The following ERAP1 variants were observed in gnomAD, a reference collection of about 807,000 sequenced individuals.
ERAP1 encodes endoplasmic reticulum aminopeptidase 1.
ERAP1 carries 86 observed loss-of-function variants against 103.7 expected under a neutral mutation model. That is an observed-to-expected ratio of 0.83 (90% CI 0.70 to 0.99). The LOEUF (loss-of-function observed/expected upper bound fraction) is 0.99. Among genes scored for constraint, ERAP1 ranks in the 50% least tolerant of loss-of-function variants. The probability of loss-of-function intolerance (pLI) is 0.00; values close to 1 mark genes in which losing one functional copy is unlikely to be tolerated. For missense variants in ERAP1, 1,009 were observed against 1,128.4 expected (o/e 0.89, Z 1.52); for synonymous variants, 398 against 402.4 (o/e 0.99, Z 0.13).
intron 3 of ERAP1, among the ~76,000 whole-genome samples, chr5:96,797,858 G>A (rs1212024187): frequency 6.6e-6 from 1 of 152,168 alleles, no homozygotes; most frequent in African/African-American, 2.4e-5. Flanking sequence ...ACACGGATGA[G>A]ACAAAGCAAA....
At chr5:96,900,262 G>A in the ERAP1 span, 9 of 1,579,682 alleles carry the variant, frequency 5.7e-6, no homozygotes, top group South Asian at 1.0e-4. Flanking sequence ...ATGACATACA[G>A]AGTAGCCCAC....
rs1446330517 is a variant in ERAP1 at position 96,803,635 on chromosome 5, G to A, written c.292C>T (p.His98Tyr). ...QPTSTIILHSHHLQISRATLR... is the reference protein window; with the variant it reads ...QPTSTIILHSYHLQISRATLR... ...GTGGCCCTAGATATCTGCAGGTGGT[G>A]ACTATGCAGGATGATGGTGCTGGTG... is the stretch of plus-strand genomic sequence containing the variant. Residue 98 changes from histidine to tyrosine, a missense_variant, in exon 2 of 19, where the codon CAC becomes TAC. By Grantham distance (83) the His-to-Tyr change is moderately conservative. Around this residue, in one of 3 missense-constraint regions of ERAP1, gnomAD observed 392 missense variants for 455.2 expected, o/e 0.86. Coordinates refer to ENST00000443439, the MANE Select transcript of ERAP1 (RefSeq NM_001040458.3). 1.2e-6 allele frequency: 2 copies of A among 1,614,226 alleles called. No homozygotes were observed. Among genetic ancestry groups the A allele is most frequent in the Admixed American group, 1.7e-5 (1 of 60,030 alleles).
In ERAP1 at chr5:96,774,955, G is replaced by T; in HGVS notation, c.*1441C>A. ...CATATTCCCTTATCTTGAAGTTTTT[G>T]CCTTATATTCAAAAAGTTCAGTTTG... is the stretch of plus-strand genomic sequence containing the variant. On this transcript the variant is annotated 3_prime_UTR_variant, in exon 19 of 19. Coordinates refer to ENST00000443439, the MANE Select transcript of ERAP1 (RefSeq NM_001040458.3). 4.1e-6 allele frequency: 4 copies of T among 981,576 alleles called. No individual in the cohort carries two copies. The highest frequency in any genetic ancestry group is 4.8e-6 in the Non-Finnish European group (4 of 827,708). 60.8% of individuals were successfully genotyped at this position (981,576 alleles called of 1,614,324 possible).
At chr5:96,913,021 G>A in the ERAP1 span, among the ~76,000 whole-genome samples, 1 of 152,150 alleles carries the variant, frequency 6.6e-6, no homozygotes, top group East Asian at 1.9e-4. Context: ...AAGCGGTTAT[G>A]TTTTATCTTC....
the ERAP1 span, among the ~76,000 whole-genome samples, chr5:96,855,791 T>C: frequency 1.3e-5 from 2 of 152,148 alleles, no homozygotes; most frequent in Non-Finnish European, 2.9e-5. Flanking sequence ...CATCTCCCTG[T>C]TGGTCTTGTA....
intron 4 of ERAP1, 151 bp from the exon 5 acceptor site, chr5:96,795,313 A>G (rs1243161311): frequency 9.9e-7 from 1 of 1,006,618 alleles, no homozygotes; most frequent in Admixed American, 2.0e-5. Context: ...TTGCATTAAT[A>G]CTGACTGTTC....
chr5:96,917,470 A>G, the ERAP1 span: 5 of 1,610,654 alleles, frequency 3.1e-6, no homozygotes, highest in African/African-American at 2.7e-5. Context: ...AGGTGAAACT[A>G]TTTTTTGAAT....
At position 96,775,093 on chromosome 5, in the gene ERAP1, G is replaced by A; in HGVS notation, c.*1303C>T. Reference sequence around the variant, plus strand: ...CACTATGGGTTAGATAAGTCCCTGTGTAGCAAGTTTTCAGAATAAGAAATA... The same window carrying A: ...CACTATGGGTTAGATAAGTCCCTGTATAGCAAGTTTTCAGAATAAGAAATA... On this transcript the variant is annotated 3_prime_UTR_variant, in exon 19 of 19. Transcript: ENST00000443439. 1.0e-6 allele frequency: 1 copy of A among 985,552 alleles called. No individual in the cohort carries two copies. Among genetic ancestry groups the A allele is most frequent in the Non-Finnish European group, 1.2e-6 (1 of 829,932 alleles). 61.1% of individuals were successfully genotyped at this position (985,552 alleles called of 1,614,324 possible).
At chr5:96,888,120 A>T in the ERAP1 span, among the ~76,000 whole-genome samples, 1 of 123,876 alleles carries the variant, frequency 8.1e-6, no homozygotes, top group Non-Finnish European at 1.7e-5. Flanking sequence ...GTGAGACTTC[A>T]TCTCAAAAGA....
At chr5:96,854,051 T>C in the ERAP1 span, among the ~76,000 whole-genome samples, 1 of 152,178 alleles carries the variant, frequency 6.6e-6, no homozygotes, top group Non-Finnish European at 1.5e-5. Context: ...TCTGACTTTG[T>C]TCTGAGTCAA....
chr5:96,811,096 A>AAATG (rs1779121627), upstream of ERAP1, among the ~76,000 whole-genome samples: 1 of 151,980 alleles, frequency 6.6e-6, no homozygotes, highest in South Asian at 2.1e-4. Flanking sequence ...TAATTTTTTT[A>AAATG]AATGCCAATT....
chr5:96,777,334 T>C (rs151044656), intron 18 of ERAP1, among the ~76,000 whole-genome samples: 99 of 152,334 alleles, frequency 6.5e-4, no homozygotes, highest in African/African-American at 2.3e-3. Flanking sequence ...TCCATCAATT[T>C]TTGATTTGGT....
chr5:96,859,143 TA>T, the ERAP1 span, among the ~76,000 whole-genome samples: 1 of 150,798 alleles, frequency 6.6e-6, no homozygotes, highest in African/African-American at 2.4e-5. Context: ...TCCATGCCCC[TA>T]AGTAATTAGC....
At chr5:96,808,678 C>T (rs1420877021), upstream of ERAP1, among the ~76,000 whole-genome samples, 1 of 152,104 alleles carries the variant, frequency 6.6e-6, no homozygotes, top group Non-Finnish European at 1.5e-5. Flanking sequence ...TCTGATTTTT[C>T]AAAGTAAATG....
the ERAP1 span, among the ~76,000 whole-genome samples, chr5:96,843,914 C>G: frequency 6.6e-6 from 1 of 152,162 alleles, no homozygotes; most frequent in East Asian, 1.9e-4. Flanking sequence ...CTACCTATGA[C>G]CTATGAGCCC....
chr5:96,813,650 C>CAAAA, the ERAP1 span, among the ~76,000 whole-genome samples: 2,158 of 55,132 alleles, frequency 0.039, 688 homozygotes, highest in East Asian at 0.15. Flanking sequence ...AGACTCATCT[C>CAAAA]AAAAAAAAAA....
At chr5:96,912,980 C>CTGTTTCATAACTAAT in the ERAP1 span, among the ~76,000 whole-genome samples, 1 of 152,224 alleles carries the variant, frequency 6.6e-6, no homozygotes, top group East Asian at 1.9e-4. Flanking sequence ...CAGGTATTCC[C>CTGTTTCATAACTAAT]TAGTTATTAA....
chr5:96,776,673 G>T, intron 18 of ERAP1, 122 bp from the exon 19 acceptor site: 2 of 1,393,544 alleles, frequency 1.4e-6, no homozygotes, highest in Non-Finnish European at 1.9e-6. Flanking sequence ...GGCAGTCCCA[G>T]CTGTCTGAAT....
chr5:96,827,891 T>C, the ERAP1 span, among the ~76,000 whole-genome samples: 1 of 152,148 alleles, frequency 6.6e-6, no homozygotes, highest in Non-Finnish European at 1.5e-5. Flanking sequence ...AGAAGATAAG[T>C]GGGTTCTGAA....
Sources: allele counts gnomAD v4.1 joint callset (sites outside exome capture counted in the v4.1 genomes callset), GRCh38; gene constraint gnomAD v4.1.1; regional missense constraint gnomAD v4.1.1; transcripts MANE v1.5; gene names NCBI Gene and HGNC (gene_info 2026-07-23, HGNC 2026-07-21).